The following TSC1 variants were observed in gnomAD, a reference collection of about 807,000 sequenced individuals.
TSC1 encodes the protein hamartin.
A neutral mutation model predicts 124.3 loss-of-function variants in TSC1; 20 were observed. The observed-to-expected ratio is 0.16, with a 90% CI of 0.11 to 0.23. TSC1 has a LOEUF of 0.23. Among genes scored for constraint, TSC1 ranks in the 10% least tolerant of loss-of-function variants. The pLI is 1.00. For missense variants in TSC1, 1,124 were observed against 1,448.5 expected (o/e 0.78, Z 3.64); for synonymous variants, 493 against 539.1 (o/e 0.91, Z 1.19).
chr9:132,920,880 A>T (rs1040975025), intron 8 of TSC1, among the ~76,000 whole-genome samples: 2 of 151,972 alleles, frequency 1.3e-5, no homozygotes, highest in African/African-American at 2.4e-5. Context: ...TTTTCCAGAG[A>T]ACATACCTGG....
chr9:132,944,331 C>T (rs1229703822), intron 1 of TSC1, among the ~76,000 whole-genome samples: 1 of 152,104 alleles, frequency 6.6e-6, no homozygotes, highest in African/African-American at 2.4e-5. Flanking sequence ...GCCTCTCCTC[C>T]CCAGGGACCC....
At position 132,923,744 on chromosome 9, in the gene TSC1, G is replaced by A; in HGVS notation, c.364-252C>T. 1 of 490,902 alleles carries A rather than the reference G, an allele frequency of 2.0e-6. No individual in the cohort carries two copies. The highest frequency in any genetic ancestry group is 3.7e-6 in the Non-Finnish European group (1 of 272,440). 30.4% of individuals were successfully genotyped at this position (490,902 alleles called of 1,614,324 possible). A position where few individuals can be genotyped will look rare whatever the true frequency, so the allele number is the denominator to read the frequency against. Reference sequence around the variant, plus strand: ...CAACACACCTATGCAAAGGCATCCGGGAGACGAGTTCAAACTTGACTTGGG... The same window carrying A: ...CAACACACCTATGCAAAGGCATCCGAGAGACGAGTTCAAACTTGACTTGGG... On this transcript the variant is annotated intron_variant, in intron 5 of 22. Coordinates refer to ENST00000298552, the MANE Select transcript of TSC1 (RefSeq NM_000368.5). The surrounding 1 kb of genome is among the most constrained non-coding windows in gnomAD (Gnocchi z 4.2).
rs200820603 is a variant in TSC1, at chr9:132,911,480, C to G, written c.1002G>C (p.Ser334=). The G allele has an allele frequency of 1.2e-6, 2 of 1,613,558 alleles. No homozygotes were observed. Among genetic ancestry groups the G allele is most frequent in the Non-Finnish European group, 1.7e-6 (2 of 1,179,732 alleles). The part of the protein sequence containing the change: ...GQLPQTLSSP[S]TRLITEPPQA... Reference sequence around the variant, plus strand: ...GTGGTGGTTCAGTTATCAGCCGTGTCGATGGGGAACTCAGAGTCTGAGGTA... The same window carrying G: ...GTGGTGGTTCAGTTATCAGCCGTGTGGATGGGGAACTCAGAGTCTGAGGTA... Residue 334 remains serine (S), a synonymous_variant, in exon 10 of 23, where the codon TCG becomes TCC. Transcript: ENST00000298552.
intron 8 of TSC1, among the ~76,000 whole-genome samples, chr9:132,913,698 C>A (rs1193439630): frequency 1.3e-5 from 2 of 150,264 alleles, no homozygotes; most frequent in Non-Finnish European, 3.0e-5. Context: ...CGGTGGCGGG[C>A]GCCTGTAGTC....
intron 8 of TSC1, among the ~76,000 whole-genome samples, chr9:132,919,135 GTAA>G (rs1479330174): frequency 6.6e-6 from 1 of 152,314 alleles, no homozygotes; most frequent in African/African-American, 2.4e-5. Flanking sequence ...TGCAGTAACT[GTAA>G]CAACAGTAGG....
intron 3 of TSC1, among the ~76,000 whole-genome samples, chr9:132,928,374 G>T (rs547122925): frequency 2.0e-5 from 3 of 152,110 alleles, no homozygotes; most frequent in Non-Finnish European, 4.4e-5. Flanking sequence ...ATTTAATTTT[G>T]CCAACCTGGT....
Position 132,893,823 on chromosome 9 carries a change from T to C in TSC1, c.*2412A>G, listed in dbSNP as rs1000885612. On this transcript the variant is annotated 3_prime_UTR_variant, in exon 23 of 23. Transcript: ENST00000298552. ...CCAGGACTGAATTGCCTCTCGAGAG[T>C]AATACTGTCACCTTTCCATCCTTAG... 4.3e-6 allele frequency: 1 copy of C among 233,264 alleles called. No homozygotes were observed. The highest frequency in any genetic ancestry group is 2.2e-5 in the African/African-American group (1 of 45,448). 14.4% of individuals were successfully genotyped at this position (233,264 alleles called of 1,614,324 possible). A position where few individuals can be genotyped will look rare whatever the true frequency, so the allele number is the denominator to read the frequency against.
chr9:132,939,415 TGGG>T (rs1374535596), intron 1 of TSC1: 3 of 152,228 alleles, frequency 2.0e-5, no homozygotes, highest in Non-Finnish European at 4.4e-5. Context: ...AAGGACAAAC[TGGG>T]GCAGGAGAGC....
intron 12 of TSC1, chr9:132,909,705 A>G (rs536843196): frequency 6.6e-6 from 1 of 152,390 alleles, no homozygotes; most frequent in South Asian, 2.1e-4. Flanking sequence ...TGCCTTATGC[A>G]TATTTTCTAT....
At chr9:132,910,544 A>G (rs2131936326) in intron 12 of TSC1, 27 bp downstream of exon 12, 2 of 1,613,926 alleles carry the variant, frequency 1.2e-6, no homozygotes, top group Non-Finnish European at 1.7e-6. Flanking sequence ...GCCTGGGCAG[A>G]GGGATAGCAG....
intron 15 of TSC1, 112 bp from the exon 16 acceptor site, chr9:132,904,566 A>G: frequency 9.6e-7 from 1 of 1,040,850 alleles, no homozygotes; most frequent in South Asian, 1.3e-5. Context: ...AAAATCTGCA[A>G]TGGCATAAGA....
Position 132,923,581 on chromosome 9 carries a change from T to C in TSC1, c.364-89A>G. ...CAGTACATGAAGAGGCTCTAAACACTGAGAGAATCACAAATCACAAGTTGA... is the reference window on the plus strand; with the variant it reads ...CAGTACATGAAGAGGCTCTAAACACCGAGAGAATCACAAATCACAAGTTGA... On this transcript the variant is annotated intron_variant, in intron 5 of 22. Transcript: ENST00000298552. This position sits in a 1 kb window ranked among gnomAD's most constrained non-coding sequence, Gnocchi z 4.2. The C allele has an allele frequency of 2.5e-6, 4 of 1,572,302 alleles. No homozygotes were observed. Among genetic ancestry groups the C allele is most frequent in the Non-Finnish European group, 3.5e-6 (4 of 1,145,324 alleles).
At chr9:132,934,769 C>T (rs1847370420) in intron 2 of TSC1, among the ~76,000 whole-genome samples, 1 of 152,166 alleles carries the variant, frequency 6.6e-6, no homozygotes, top group African/African-American at 2.4e-5. Flanking sequence ...TGTTTGAACC[C>T]GAATCCTCAC....
At chr9:132,942,272 C>T (rs1380206785) in intron 1 of TSC1, 1 of 152,230 alleles carries the variant, frequency 6.6e-6, no homozygotes. Flanking sequence ...CAGTGGTCCT[C>T]AACCTCCGGT....
intron 5 of TSC1, chr9:132,924,752 A>G (rs1846758272): frequency 6.6e-6 from 1 of 152,066 alleles, no homozygotes; most frequent in African/African-American, 2.4e-5. Flanking sequence ...AACTGTTCCT[A>G]TTTTTTCTGA....
intron 20 of TSC1, 182 bp downstream of exon 20, chr9:132,900,533 G>A: frequency 1.1e-6 from 1 of 938,748 alleles, no homozygotes; most frequent in East Asian, 2.7e-5. Flanking sequence ...AACCCAATAG[G>A]AGAAACAAGC....
In TSC1 at chr9:132,894,728, C is replaced by G. The variant is rs739441; in HGVS notation, c.*1507G>C. ...AAAAAAAAAAAAAGACTTTCATTCT[C>G]TCTGCTCGAGGCCTCCGTGGGCACT... On this transcript the variant is annotated 3_prime_UTR_variant, in exon 23 of 23. Transcript: ENST00000298552. 1 of 206,356 alleles carries G rather than the reference C, an allele frequency of 4.8e-6. No individual in the cohort carries two copies. Among genetic ancestry groups the G allele is most frequent in the African/African-American group, 2.3e-5 (1 of 42,700 alleles). 12.8% of individuals were successfully genotyped at this position (206,356 alleles called of 1,614,324 possible).
In TSC1 at chr9:132,900,769, C is replaced by T; in HGVS notation, c.2571G>A (p.Glu857=). Residue 857 remains glutamate (E), a synonymous_variant, in exon 20 of 23, where the codon GAG becomes GAA. Coordinates refer to ENST00000298552, the MANE Select transcript of TSC1 (RefSeq NM_000368.5). ...FLNRQLLVLG[E]VNELYLEQLQ... is the part of the protein sequence containing the mutation. ...GTTGTTCCAAATAGAGCTCGTTGAC[C>T]TCCCCAAGAACCAACAGCTGCCTGT... 6.2e-7 allele frequency: 1 copy of T among 1,614,142 alleles called. No individual in the cohort carries two copies. Among genetic ancestry groups the T allele is most frequent in the South Asian group, 1.1e-5 (1 of 91,076 alleles).
At chr9:132,908,575 G>A (rs954307507) in intron 12 of TSC1, among the ~76,000 whole-genome samples, 2 of 151,210 alleles carry the variant, frequency 1.3e-5, no homozygotes, top group Admixed American at 6.6e-5. Context: ...TCAGCTCCCC[G>A]ATTAGCTGGG....
Sources: allele counts gnomAD v4.1 joint callset (sites outside exome capture counted in the v4.1 genomes callset), GRCh38; gene constraint gnomAD v4.1.1; non-coding constraint Gnocchi (gnomAD v3.1); transcripts MANE v1.5; gene names NCBI Gene and HGNC (gene_info 2026-07-23, HGNC 2026-07-21).